SLC1A2: variants seen among roughly 807,000 people sequenced by gnomAD.
The protein encoded by SLC1A2 is solute carrier family 1 member 2, also known as excitatory amino acid transporter 2.
SLC1A2 carries 15 observed loss-of-function variants against 48.8 expected under a neutral mutation model. The ratio of observed to expected loss-of-function variants is 0.31; its 90% CI spans 0.21 to 0.47. SLC1A2 has a LOEUF of 0.47. Ranked by LOEUF, SLC1A2 falls within the 20% of genes least tolerant of loss-of-function variation. The pLI is 0.99. For missense variants in SLC1A2, 502 were observed against 730.5 expected, an observed-to-expected ratio of 0.69 and a Z score of 3.61; for synonymous variants, 279 against 272.6, an observed-to-expected ratio of 1.02 and a Z score of -0.23.
chr11:35,409,051 T>C (rs1277783109), intron 1 of SLC1A2, among the ~76,000 whole-genome samples: 1 of 152,222 alleles, frequency 6.6e-6, no homozygotes, highest in Non-Finnish European at 1.5e-5. Flanking sequence ...TGTCTTGGTC[T>C]CAGAAAGCAG....
intron 7 of SLC1A2, among the ~76,000 whole-genome samples, chr11:35,289,895 G>T (rs1850942462): frequency 6.6e-6 from 1 of 152,176 alleles, no homozygotes; most frequent in East Asian, 1.9e-4. Flanking sequence ...TATACAAAAA[G>T]AGAGCTTGAA....
At chr11:35,386,577 A>T (rs1412759182) in intron 1 of SLC1A2, among the ~76,000 whole-genome samples, 1 of 152,238 alleles carries the variant, frequency 6.6e-6, no homozygotes, top group Non-Finnish European at 1.5e-5. Context: ...AAATTCAAAA[A>T]ACCCATCAGT....
chr11:35,347,048 C>T (rs1269424646), intron 1 of SLC1A2, among the ~76,000 whole-genome samples: 2 of 152,204 alleles, frequency 1.3e-5, no homozygotes, highest in African/African-American at 2.4e-5. Context: ...ACAGATTTGA[C>T]AGTTAACTAC....
At chr11:35,379,365 T>C (rs970194627) in intron 1 of SLC1A2, among the ~76,000 whole-genome samples, 1 of 152,272 alleles carries the variant, frequency 6.6e-6, no homozygotes, top group South Asian at 2.1e-4. Flanking sequence ...CACAAAACTA[T>C]TGCAAATCCT....
intron 1 of SLC1A2, among the ~76,000 whole-genome samples, chr11:35,367,602 A>G (rs1853896470): frequency 6.6e-6 from 1 of 152,208 alleles, no homozygotes; most frequent in East Asian, 1.9e-4. Flanking sequence ...CTTTTCTCCT[A>G]TTAAGAGATC....
intron 5 of SLC1A2, among the ~76,000 whole-genome samples, chr11:35,303,709 G>T (rs563328166): frequency 2.0e-5 from 3 of 152,214 alleles, no homozygotes; most frequent in African/African-American, 7.2e-5. Context: ...ATATCTATGA[G>T]AGATAGGTTT....
chr11:35,410,902 T>C (rs778225827), intron 1 of SLC1A2, among the ~76,000 whole-genome samples: 7 of 152,126 alleles, frequency 4.6e-5, no homozygotes, highest in Non-Finnish European at 8.8e-5. Context: ...TCCCAATAAA[T>C]TCCATGCACA....
In SLC1A2 at chr11:35,337,682, C is replaced by G. The variant is rs141789082; in HGVS notation, c.18-20166G>C. On this transcript the variant is annotated intron_variant, in intron 1 of 10. Coordinates refer to ENST00000278379, the MANE Select transcript of SLC1A2 (RefSeq NM_004171.4). ...GAGTCCTTTAAGGTTGCAGAAGAAA[C>G]AGCTGCAAACTCCAAAACTGCCCCA... 2.0e-3 allele frequency among the ~76,000 whole-genome samples: 305 copies of G among 152,192 alleles called. 2 individuals carry two copies. Among genetic ancestry groups the G allele is most frequent in the African/African-American group, 7.1e-3 (295 of 41,502 alleles).
chr11:35,301,610 T>C lies in SLC1A2; in HGVS notation c.766A>G (p.Met256Val), dbSNP rs1851358346. Residue 256 changes from methionine (M) to valine (V), a missense_variant, in exon 6 of 11, where the codon ATG becomes GTG. Physicochemically the swap from Met to Val is conservative, Grantham distance 21 (BLOSUM62 1). Around this residue, in one of 4 missense-constraint regions of SLC1A2, gnomAD observed 309 missense variants for 480.3 expected, o/e 0.64. Coordinates refer to ENST00000278379, the MANE Select transcript of SLC1A2 (RefSeq NM_004171.4). The part of the protein sequence containing the change: ...IGFFIAFGIA[M>V]GKMGDQAKLM... ...TTGGCCTGATCTCCCATCTTCCCCA[T>C]AGCGATGCCAAAAGCAATGAAAAAC... 1.9e-6 allele frequency: 3 copies of C among 1,613,832 alleles called. No homozygotes were observed. Among genetic ancestry groups the C allele is most frequent in the African/African-American group, 2.7e-5 (2 of 75,032 alleles).
chr11:35,331,471 T>G (rs1852423412), intron 1 of SLC1A2, among the ~76,000 whole-genome samples: 1 of 152,212 alleles, frequency 6.6e-6, no homozygotes, highest in African/African-American at 2.4e-5. Flanking sequence ...ACTAGTTTGA[T>G]CTGCTAAATT....
At chr11:35,260,994 T>A (rs771401750) in intron 10 of SLC1A2, 29 bp from the exon 11 acceptor site, 1 of 1,577,812 alleles carries the variant, frequency 6.3e-7, no homozygotes, top group Admixed American at 1.7e-5. Context: ...AACATCCAGC[T>A]TACAGACCAC....
At chr11:35,370,751 AAAG>A (rs1854033591) in intron 1 of SLC1A2, among the ~76,000 whole-genome samples, 1 of 152,120 alleles carries the variant, frequency 6.6e-6, no homozygotes, top group African/African-American at 2.4e-5. Flanking sequence ...GCAGTGTCTG[AAAG>A]AAGAACTGGA....
chr11:35,371,414 A>G (rs996700398), intron 1 of SLC1A2, among the ~76,000 whole-genome samples: 2 of 152,158 alleles, frequency 1.3e-5, no homozygotes, highest in African/African-American at 4.8e-5. Flanking sequence ...GTCAACTACA[A>G]TGACTTTGGT....
At position 35,259,068 on chromosome 11, in the gene SLC1A2, A is replaced by G. The variant is rs1290092063; in HGVS notation, c.*1826T>C. 6.6e-6 allele frequency: 1 copy of G among 152,670 alleles called. No homozygotes were observed. The highest frequency in any genetic ancestry group is 1.5e-5 in the Non-Finnish European group (1 of 68,056). The allele number at this position is 152,670 out of a possible 1,614,324, so 9.5% of individuals were successfully genotyped here. On this transcript the variant is annotated 3_prime_UTR_variant, in exon 11 of 11. Coordinates refer to ENST00000278379, the MANE Select transcript of SLC1A2 (RefSeq NM_004171.4). Reference sequence around the variant, plus strand: ...GACCAATGTCATTTGAAAAGCAAAAATGAAAAGTTGCCTAATACTGTTCAG... The same window carrying G: ...GACCAATGTCATTTGAAAAGCAAAAGTGAAAAGTTGCCTAATACTGTTCAG...
chr11:35,325,936 C>T (rs1246065795), intron 1 of SLC1A2, among the ~76,000 whole-genome samples: 1 of 146,346 alleles, frequency 6.8e-6, no homozygotes, highest in Non-Finnish European at 1.5e-5. Flanking sequence ...TGCACTCCAG[C>T]CTGGGCAACA....
chr11:35,309,512 G>C (rs1210509866), intron 4 of SLC1A2, among the ~76,000 whole-genome samples: 1 of 152,164 alleles, frequency 6.6e-6, no homozygotes, highest in African/African-American at 2.4e-5. Flanking sequence ...CAGAAAGCAA[G>C]CTGGAGACCT....
At chr11:35,407,448 T>A (rs1855332537) in intron 1 of SLC1A2, among the ~76,000 whole-genome samples, 1 of 152,240 alleles carries the variant, frequency 6.6e-6, no homozygotes, top group African/African-American at 2.4e-5. Flanking sequence ...TGAACAGGCT[T>A]ATAGCACACC....
chr11:35,300,969 G>A (rs1036570473), intron 6 of SLC1A2, among the ~76,000 whole-genome samples: 4 of 152,174 alleles, frequency 2.6e-5, no homozygotes, highest in Non-Finnish European at 5.9e-5. Flanking sequence ...AGCCTGCGAT[G>A]AGCCATGATC....
At chr11:35,404,977 G>A (rs1302462235) in intron 1 of SLC1A2, among the ~76,000 whole-genome samples, 1 of 151,996 alleles carries the variant, frequency 6.6e-6, no homozygotes, top group Non-Finnish European at 1.5e-5. Flanking sequence ...CCATAAGGAT[G>A]ATGAGGATAG....
Sources: gnomAD v4.1 joint callset for allele counts (sites outside exome capture counted in the v4.1 genomes callset) on GRCh38, gnomAD v4.1.1 for gene constraint, gnomAD v4.1.1 regional missense constraint, MANE v1.5 for transcripts, NCBI Gene and HGNC (gene_info 2026-07-23, HGNC 2026-07-21) for gene names.